The following CERK variants were observed in gnomAD, a reference collection of about 807,000 sequenced individuals.
CERK encodes ceramide kinase, also known as acylsphingosine kinase.
CERK carries 39 observed loss-of-function variants against 63.4 expected under a neutral mutation model. The observed-to-expected ratio is 0.61, with a 90% confidence interval of 0.48 to 0.80. The LOEUF is 0.80. Ranked by LOEUF, CERK falls within the 30% of genes least tolerant of loss-of-function variation. The probability of loss-of-function intolerance (pLI) is 0.00; values close to 1 mark genes in which losing one functional copy is unlikely to be tolerated. For missense variants in CERK, 670 were observed against 714.1 expected (o/e 0.94, Z 0.70); for synonymous variants, 302 against 280.0 (o/e 1.08, Z -0.78).
In CERK at chr22:46,699,376, C is replaced by G; in HGVS notation, c.880G>C (p.Gly294Arg). ...SVSLLGYGFY[G>R]DIIKDSEKKR... Reference sequence around the variant, plus strand: ...TTCTCACTGTCCTTGATGATGTCCCCGTAGAAGCCGTAGCCCAGCAGGGAC... The same window carrying G: ...TTCTCACTGTCCTTGATGATGTCCCGGTAGAAGCCGTAGCCCAGCAGGGAC... The change falls in exon 8 of 13, where the codon GGG becomes CGG. Residue 294 changes from glycine to arginine, a missense_variant. Physicochemically the swap from Gly to Arg is moderately radical, Grantham distance 125 (BLOSUM62 -2). Coordinates refer to ENST00000216264, the MANE Select transcript of CERK (RefSeq NM_022766.6). 1 of 1,614,100 alleles carries G rather than the reference C, an allele frequency of 6.2e-7. No individual in the cohort carries two copies. The highest frequency in any genetic ancestry group is 8.5e-7 in the Non-Finnish European group (1 of 1,179,988).
In CERK at chr22:46,691,711, C is replaced by T; in HGVS notation, c.1193G>A (p.Cys398Tyr). The change falls in exon 11 of 13, where the codon TGT becomes TAT. Residue 398 changes from cysteine (C) to tyrosine (Y), a missense_variant. By Grantham distance (194) the Cys-to-Tyr change is radical (BLOSUM62 -2). Coordinates refer to ENST00000216264, the MANE Select transcript of CERK (RefSeq NM_022766.6). ...GCCCCTGGGGCTCCGGCGACAAGCACAGGACATGTTTGTGGCATTGATGGC... is the reference window on the plus strand; with the variant it reads ...GCCCCTGGGGCTCCGGCGACAAGCATAGGACATGTTTGTGGCATTGATGGC... The part of the protein sequence containing the change: ...FLAINATNMS[C>Y]ACRRSPRGLS... 3 of 1,614,044 alleles carry T rather than the reference C, an allele frequency of 1.9e-6. No individual in the cohort carries two copies. Among genetic ancestry groups the T allele is most frequent in the Non-Finnish European group, 2.5e-6 (3 of 1,180,008 alleles).
At chr22:46,723,273 T>G (rs1028217443) in intron 1 of CERK, among the ~76,000 whole-genome samples, 1 of 152,158 alleles carries the variant, frequency 6.6e-6, no homozygotes, top group African/African-American at 2.4e-5. Flanking sequence ...GAAAAGTTAA[T>G]AGAGGAACAA....
chr22:46,699,631 C>T (rs1010573925), intron 7 of CERK, among the ~76,000 whole-genome samples, 166 bp from the exon 8 acceptor site: 5 of 152,200 alleles, frequency 3.3e-5, no homozygotes, highest in African/African-American at 1.2e-4. Flanking sequence ...GTGTTGGATG[C>T]CATATTTTTT....
intron 8 of CERK, among the ~76,000 whole-genome samples, chr22:46,695,886 C>G (rs540618061): frequency 9.8e-5 from 15 of 152,340 alleles, no homozygotes; most frequent in Admixed American, 3.3e-4. Context: ...GGAAACACCA[C>G]CCAGCAGGAC....
intron 11 of CERK, among the ~76,000 whole-genome samples, chr22:46,690,627 A>C (rs1466027808): frequency 6.6e-6 from 1 of 152,220 alleles, no homozygotes; most frequent in Non-Finnish European, 1.5e-5. Flanking sequence ...ATAGCATTAG[A>C]CTAGATCTTA....
Position 46,720,899 on chromosome 22 carries a change from C to T in CERK, c.256+3G>A. 1.9e-6 allele frequency: 3 copies of T among 1,556,476 alleles called. No homozygotes were observed. Among genetic ancestry groups the T allele is most frequent in the Non-Finnish European group, 2.7e-6 (3 of 1,127,730 alleles). ...TGTGGGAGAAGACATTTAGGCTTAT[C>T]ACCTGTAAAAGCGTAAGGCTTTTCC... On this transcript the variant is annotated splice_donor_region_variant and intron_variant, in intron 2 of 12. Transcript: ENST00000216264.
intron 8 of CERK, among the ~76,000 whole-genome samples, chr22:46,698,727 C>T (rs1042202401): frequency 2.0e-5 from 2 of 97,720 alleles, no homozygotes; most frequent in African/African-American, 8.0e-5. Flanking sequence ...CCTTTGTCTA[C>T]AAAAATATAC....
chr22:46,721,317 G>A (rs2082891417), intron 1 of CERK, among the ~76,000 whole-genome samples: 1 of 151,918 alleles, frequency 6.6e-6, no homozygotes. Context: ...TTTTGAGACA[G>A]AGTCTCACGC....
chr22:46,691,768 T>G lies in CERK; in HGVS notation c.1136A>C (p.Glu379Ala), dbSNP rs1030858736. 3.7e-6 allele frequency: 6 copies of G among 1,609,430 alleles called. No homozygotes were observed. Among genetic ancestry groups the G allele is most frequent in the Non-Finnish European group, 5.1e-6 (6 of 1,176,374 alleles). ...LYGLEAAEDVEEWQVVCGKFL... is the reference protein window; with the variant it reads ...LYGLEAAEDVAEWQVVCGKFL... ...CTTCCCACAGACGACTTGCCACTCC[T>G]CCACGTCCTCTGAAGCACAAAGAAC... Residue 379 changes from glutamate (E) to alanine (A), a missense_variant, in exon 11 of 13, where the codon GAG becomes GCG. Transcript: ENST00000216264.
At chr22:46,724,852 T>C (rs1051145466) in intron 1 of CERK, among the ~76,000 whole-genome samples, 2 of 152,022 alleles carry the variant, frequency 1.3e-5, no homozygotes, top group Admixed American at 6.6e-5. Flanking sequence ...ACCCCGACTC[T>C]ACTAAAAATA....
chr22:46,696,680 C>T (rs1160446788), intron 8 of CERK, among the ~76,000 whole-genome samples: 1 of 152,284 alleles, frequency 6.6e-6, no homozygotes, highest in African/African-American at 2.4e-5. Context: ...CTTTCTGCCT[C>T]ACAGCCACAG....
chr22:46,710,984 G>A (rs898884706), intron 5 of CERK, 102 bp downstream of exon 5: 7 of 876,144 alleles, frequency 8.0e-6, no homozygotes, highest in Non-Finnish European at 1.3e-5. Flanking sequence ...CGTGGGTGGA[G>A]GCGGGGGGCG....
rs1281593415 is a variant in CERK, at chr22:46,720,125, A to G, written c.340T>C (p.Leu114=). The change falls in exon 3 of 13, where the codon TTG becomes CTG. Residue 114 remains leucine (L), a synonymous_variant. Transcript: ENST00000216264. The part of the protein sequence containing the change: ...FWCPEEQLCH[L]WLQTLREMLE... ...ATCTCCCGCAGGGTCTGCAGCCACA[A>G]GTGACACAGCTGCTCCTCTGGACAC... The G allele has an allele frequency of 6.2e-7, 1 of 1,614,080 alleles. No homozygotes were observed. Among genetic ancestry groups the G allele is most frequent in the Non-Finnish European group, 8.5e-7 (1 of 1,180,028 alleles).
In CERK at chr22:46,696,442, G is replaced by T. The variant is rs185976637; in HGVS notation, c.944-1127C>A. ...CCACTGGTCAGCAACCTTCCAAGCCGGCTCCTCTCTCAAGTGCAGGGGGCA... is the reference window on the plus strand; with the variant it reads ...CCACTGGTCAGCAACCTTCCAAGCCTGCTCCTCTCTCAAGTGCAGGGGGCA... On this transcript the variant is annotated intron_variant, in intron 8 of 12. Coordinates refer to ENST00000216264, the MANE Select transcript of CERK (RefSeq NM_022766.6). Among the ~76,000 whole-genome samples the T allele has an allele frequency of 5.7e-4, 87 of 152,262 alleles. No individual in the cohort carries two copies. In the East Asian group the frequency reaches 0.014, roughly 24 times the overall value.
intron 5 of CERK, among the ~76,000 whole-genome samples, chr22:46,709,199 G>A (rs541697221): frequency 6.6e-6 from 1 of 152,344 alleles, no homozygotes; most frequent in African/African-American, 2.4e-5. Flanking sequence ...CTCAGCCGCA[G>A]GAAGAGCAGC....
At chr22:46,720,813 C>T (rs2082888313) in intron 2 of CERK, 89 bp downstream of exon 2, 1 of 796,678 alleles carries the variant, frequency 1.3e-6, no homozygotes, top group African/African-American at 1.7e-5. Flanking sequence ...ATGCATTGAG[C>T]TTGTTAAACA....
At chr22:46,718,764 C>T (rs986529591) in intron 3 of CERK, among the ~76,000 whole-genome samples, 6 of 152,146 alleles carry the variant, frequency 3.9e-5, no homozygotes, top group Non-Finnish European at 8.8e-5. Flanking sequence ...TGGGTGAAGC[C>T]TGTGCTGAGT....
At chr22:46,688,876 C>T (rs904176898) in intron 12 of CERK, among the ~76,000 whole-genome samples, 33 of 152,272 alleles carry the variant, frequency 2.2e-4, no homozygotes, top group Non-Finnish European at 4.4e-4. Context: ...TGAGCTCTAC[C>T]GTTCCCCAGT....
At chr22:46,706,317 C>G (rs905226129) in intron 6 of CERK, among the ~76,000 whole-genome samples, 2 of 152,240 alleles carry the variant, frequency 1.3e-5, no homozygotes, top group African/African-American at 2.4e-5. Context: ...GCTCTCCCCA[C>G]TCCTAACTGC....
Sources: allele counts gnomAD v4.1 joint callset (sites outside exome capture counted in the v4.1 genomes callset), GRCh38; gene constraint gnomAD v4.1.1; transcripts MANE v1.5; gene names NCBI Gene and HGNC (gene_info 2026-07-23, HGNC 2026-07-21).